RBFOX1: variants seen among roughly 807,000 people sequenced by gnomAD.
RBFOX1 encodes the protein RNA binding fox-1 homolog 1, also known as RNA binding protein fox-1 homolog 1.
A neutral mutation model predicts 57.7 loss-of-function variants in RBFOX1; 8 were observed. The ratio of observed to expected loss-of-function variants is 0.14; its 90% CI spans 0.08 to 0.25. RBFOX1 has a LOEUF of 0.25. RBFOX1 is among the 10% of genes least tolerant of loss of function. RBFOX1 has a pLI of 1.00. For missense variants in RBFOX1, 611 were observed against 548.5 expected (o/e 1.11, Z -1.14); for synonymous variants, 326 against 222.4 (o/e 1.47, Z -4.15).
At chr16:7,009,278 CTT>C (rs143812927) in intron 3 of RBFOX1, among the ~76,000 whole-genome samples, 5,654 of 142,118 alleles carry the variant, frequency 0.04, 573 homozygotes, top group African/African-American at 0.15. Context: ...CTTCTTCTCT[CTT>C]TTCTCTCTCA....
rs541433736 is a variant in RBFOX1 at position 6,827,578 on chromosome 16, G to A, written c.-16+172928G>A. Among the ~76,000 whole-genome samples the A allele has an allele frequency of 1.6e-4, 25 of 152,236 alleles. No individual in the cohort carries two copies. The East Asian group carries it at 1.9e-3, about 12-fold the overall frequency. On this transcript the variant is annotated intron_variant, in intron 3 of 15. Coordinates refer to ENST00000550418, the MANE Select transcript of RBFOX1 (RefSeq NM_018723.4). ...CGCTTTCAAAATAAAACTGAAATCC[G>A]TCTCAGAGGGCCAGTCTCAGAGTAT...
chr16:7,705,792 G>C (rs1052568469), intron 14 of RBFOX1, among the ~76,000 whole-genome samples: 9 of 152,166 alleles, frequency 5.9e-5, no homozygotes, highest in African/African-American at 2.2e-4. Flanking sequence ...AGTTGGTGTT[G>C]ATGAACTAGT....
chr16:5,581,292 G>C (rs2046657174), intron 2 of RBFOX1, among the ~76,000 whole-genome samples: 1 of 152,172 alleles, frequency 6.6e-6, no homozygotes, highest in African/African-American at 2.4e-5. Flanking sequence ...AATAGACTTT[G>C]GGCGGAGACA....
At chr16:5,897,167 C>A (rs536179705) in intron 4 of RBFOX1, among the ~76,000 whole-genome samples, 1 of 151,994 alleles carries the variant, frequency 6.6e-6, no homozygotes, top group South Asian at 2.1e-4. Flanking sequence ...TCCCCAGTAG[C>A]TGGGACTACA....
chr16:5,702,947 C>T (rs1016766757), intron 3 of RBFOX1, among the ~76,000 whole-genome samples: 1 of 152,136 alleles, frequency 6.6e-6, no homozygotes, highest in East Asian at 1.9e-4. Context: ...AATTTCAGGC[C>T]TCTGCATGTT....
chr16:6,849,556 C>G lies in RBFOX1; in HGVS notation c.-16+194906C>G, dbSNP rs915345793. Reference sequence around the variant, plus strand: ...TGGTGGTGCATGCCTGTAGTCCCAGCTACTCCACAGGCTGAGACAGGAGAA... The same window carrying G: ...TGGTGGTGCATGCCTGTAGTCCCAGGTACTCCACAGGCTGAGACAGGAGAA... On this transcript the variant is annotated intron_variant, in intron 3 of 15. Transcript: ENST00000550418. Among the ~76,000 whole-genome samples, 6 of 152,278 alleles carry G rather than the reference C, an allele frequency of 3.9e-5. No homozygotes were observed. The South Asian group carries it at 6.2e-4, about 16-fold the overall frequency.
chr16:5,476,525 C>G (rs1454611302), intron 2 of RBFOX1, among the ~76,000 whole-genome samples: 1 of 152,220 alleles, frequency 6.6e-6, no homozygotes, highest in Non-Finnish European at 1.5e-5. Context: ...CTGAAGACAA[C>G]TGCCTCAATT....
intron 2 of RBFOX1, among the ~76,000 whole-genome samples, chr16:6,627,448 A>G (rs2098325855): frequency 6.6e-6 from 1 of 152,122 alleles, no homozygotes; most frequent in African/African-American, 2.4e-5. Flanking sequence ...CCCATCAGAA[A>G]AGTCTCTATG....
At chr16:7,433,440 A>C (rs1598328066) in intron 4 of RBFOX1, among the ~76,000 whole-genome samples, 1 of 152,210 alleles carries the variant, frequency 6.6e-6, no homozygotes, top group Non-Finnish European at 1.5e-5. Context: ...ATAGGGGATA[A>C]TGAATGTTCC....
chr16:6,664,092 G>A (rs2098717556), intron 3 of RBFOX1, among the ~76,000 whole-genome samples: 1 of 152,194 alleles, frequency 6.6e-6, no homozygotes, highest in African/African-American at 2.4e-5. Context: ...GTCTTATAGA[G>A]TCTACTTGCT....
At chr16:5,284,337 G>A (rs2063340208) in intron 1 of RBFOX1, among the ~76,000 whole-genome samples, 1 of 152,078 alleles carries the variant, frequency 6.6e-6, no homozygotes, top group Non-Finnish European at 1.5e-5. Context: ...GCAGTTTGGT[G>A]GTTTTCTTTA....
chr16:5,996,889 A>G (rs2060499578), intron 4 of RBFOX1, among the ~76,000 whole-genome samples: 1 of 152,178 alleles, frequency 6.6e-6, no homozygotes, highest in South Asian at 2.1e-4. Flanking sequence ...CATTTTTGCC[A>G]TTGAAAGTAA....
At chr16:6,496,358 C>G (rs531595057) in intron 2 of RBFOX1, among the ~76,000 whole-genome samples, 68 of 152,282 alleles carry the variant, frequency 4.5e-4, no homozygotes, top group African/African-American at 1.5e-3. Flanking sequence ...TTCATTTGAA[C>G]AAGTGGATTG....
At chr16:5,435,350 T>G (rs529850415) in intron 1 of RBFOX1, among the ~76,000 whole-genome samples, 3 of 151,984 alleles carry the variant, frequency 2.0e-5, no homozygotes, top group Admixed American at 2.0e-4. Flanking sequence ...GTTTGTGGGG[T>G]GTGTGTGTGT....
chr16:6,861,804 T>A (rs1327475396), intron 3 of RBFOX1, among the ~76,000 whole-genome samples: 1 of 147,284 alleles, frequency 6.8e-6, no homozygotes, highest in Non-Finnish European at 1.5e-5. Flanking sequence ...TCCCCCTCTT[T>A]CCTAGCCAGC....
At chr16:6,219,371 CCA>C (rs1598471484) in intron 1 of RBFOX1, among the ~76,000 whole-genome samples, 1 of 152,206 alleles carries the variant, frequency 6.6e-6, no homozygotes, top group East Asian at 1.9e-4. Context: ...CTCTGGAGGT[CCA>C]GGAGGTCGAG....
intron 3 of RBFOX1, among the ~76,000 whole-genome samples, chr16:5,860,126 AG>A (rs1170211687): frequency 6.6e-6 from 1 of 152,134 alleles, no homozygotes; most frequent in Non-Finnish European, 1.5e-5. Context: ...TCTGTCGCCC[AG>A]GCTGGAGTGC....
chr16:6,617,635 A>G (rs925434612), intron 2 of RBFOX1, among the ~76,000 whole-genome samples: 1 of 152,070 alleles, frequency 6.6e-6, no homozygotes, highest in Non-Finnish European at 1.5e-5. Flanking sequence ...CATGTGTTCC[A>G]GGTGTCAGAG....
chr16:5,859,726 C>A (rs1382204976), intron 3 of RBFOX1, among the ~76,000 whole-genome samples: 1 of 152,224 alleles, frequency 6.6e-6, no homozygotes, highest in Non-Finnish European at 1.5e-5. Context: ...TTATAAAATG[C>A]TATTTCCATT....
Sources: gnomAD v4.1 joint callset for allele counts (sites outside exome capture counted in the v4.1 genomes callset) on GRCh38, gnomAD v4.1.1 for gene constraint, MANE v1.5 for transcripts, NCBI Gene and HGNC (gene_info 2026-07-23, HGNC 2026-07-21) for gene names.